NTNG1: variants seen among roughly 807,000 people sequenced by gnomAD.
NTNG1 encodes netrin-G1.
NTNG1 carries 16 observed loss-of-function variants against 54.0 expected under a neutral mutation model. The ratio of observed to expected loss-of-function variants is 0.30; its 90% confidence interval spans 0.20 to 0.45. The LOEUF (loss-of-function observed/expected upper bound fraction) is 0.45, where lower values mean the gene tolerates loss of function less well. Ranked by LOEUF, NTNG1 falls within the 20% of genes least tolerant of loss-of-function variation. NTNG1 has a pLI of 1.00. For synonymous variants in NTNG1, 255 were observed against 263.1 expected (o/e 0.97, Z 0.30); for missense variants, 530 against 678.7 (o/e 0.78, Z 2.43).
intron 7 of NTNG1, among the ~76,000 whole-genome samples, chr1:107,462,340 T>TCTG (rs1260414666): frequency 6.6e-6 from 1 of 152,182 alleles, no homozygotes; most frequent in African/African-American, 2.4e-5. Flanking sequence ...GGTTACAGGC[T>TCTG]CTGCTACCCA....
intron 3 of NTNG1, among the ~76,000 whole-genome samples, chr1:107,361,378 T>C (rs868157759): frequency 1.7e-5 from 1 of 58,554 alleles, no homozygotes. Flanking sequence ...TATATACATA[T>C]ATATATATAT....
At chr1:107,384,486 A>T (rs1444135356) in intron 3 of NTNG1, among the ~76,000 whole-genome samples, 3 of 152,222 alleles carry the variant, frequency 2.0e-5, no homozygotes, top group Non-Finnish European at 2.9e-5. Flanking sequence ...CCATGAAGAA[A>T]TGATCAAAAT....
At chr1:107,277,589 CTG>C (rs753115068) in intron 2 of NTNG1, among the ~76,000 whole-genome samples, 2 of 152,138 alleles carry the variant, frequency 1.3e-5, no homozygotes, top group Non-Finnish European at 2.9e-5. Flanking sequence ...CTACAGGAAA[CTG>C]TGGGCACAAA....
chr1:107,161,753 A>T (rs200768966), intron 2 of NTNG1, among the ~76,000 whole-genome samples: 22 of 146,658 alleles, frequency 1.5e-4, no homozygotes, highest in African/African-American at 2.7e-4. Context: ...TGTTAGAATT[A>T]AAAAAAAAAA....
At chr1:107,353,119 A>T (rs1178917097) in intron 3 of NTNG1, among the ~76,000 whole-genome samples, 1 of 152,204 alleles carries the variant, frequency 6.6e-6, no homozygotes, top group Non-Finnish European at 1.5e-5. Flanking sequence ...CATTTTTCTT[A>T]TGCAAATTTC....
chr1:107,280,446 TTC>T (rs1161480341), intron 2 of NTNG1, among the ~76,000 whole-genome samples: 3 of 152,092 alleles, frequency 2.0e-5, no homozygotes, highest in East Asian at 3.9e-4. Flanking sequence ...TTTAATACCA[TTC>T]TCTGTTTCCA....
intron 5 of NTNG1, among the ~76,000 whole-genome samples, chr1:107,430,459 T>G (rs1675189573): frequency 6.6e-6 from 1 of 152,132 alleles, no homozygotes; most frequent in Non-Finnish European, 1.5e-5. Context: ...AAACTGAGGC[T>G]TCCCAAATTT....
chr1:107,440,041 A>G (rs950700775), intron 7 of NTNG1, among the ~76,000 whole-genome samples: 11 of 151,838 alleles, frequency 7.2e-5, no homozygotes, highest in Admixed American at 2.6e-4. Context: ...AAGAGCTATT[A>G]ACCTGGCAAC....
In NTNG1 at chr1:107,155,312, A is replaced by G. The variant is rs982262374; in HGVS notation, c.246+6473A>G. ...AGAAGACATTTCTTCTGTTTGGCAT[A>G]GTCCGTGCTCTTCTCCACTTACTCT... On this transcript the variant is annotated intron_variant, in intron 2 of 7. Coordinates refer to ENST00000370068, the MANE Select transcript of NTNG1 (RefSeq NM_001113226.3). Among the ~76,000 whole-genome samples the G allele has an allele frequency of 3.3e-5, 5 of 151,962 alleles. No individual in the cohort carries two copies. The South Asian group carries it at 1.0e-3, about 32-fold the overall frequency.
chr1:107,288,912 A>G (rs34032534), intron 2 of NTNG1, among the ~76,000 whole-genome samples: 2,768 of 152,270 alleles, frequency 0.018, 70 homozygotes, highest in African/African-American at 0.063. Context: ...TTTCATAGAT[A>G]AAGGTCAAGA....
chr1:107,411,692 A>T (rs554722706), intron 5 of NTNG1, among the ~76,000 whole-genome samples: 1 of 152,280 alleles, frequency 6.6e-6, no homozygotes, highest in South Asian at 2.1e-4. Flanking sequence ...GGAAAAAATT[A>T]TCAGGCTAGT....
intron 7 of NTNG1, among the ~76,000 whole-genome samples, chr1:107,457,412 G>A (rs1242308118): frequency 6.6e-6 from 1 of 152,164 alleles, no homozygotes; most frequent in Non-Finnish European, 1.5e-5. Flanking sequence ...TGTGCTCAGT[G>A]CTATAGATAT....
intron 7 of NTNG1, among the ~76,000 whole-genome samples, chr1:107,458,971 T>G (rs542580392): frequency 3.9e-5 from 6 of 152,218 alleles, no homozygotes; most frequent in Non-Finnish European, 7.4e-5. Context: ...CAAAACAGTT[T>G]AGAAAGTTGA....
At chr1:107,451,237 C>T (rs2101484223) in intron 7 of NTNG1, among the ~76,000 whole-genome samples, 1 of 151,660 alleles carries the variant, frequency 6.6e-6, no homozygotes, top group Non-Finnish European at 1.5e-5. Flanking sequence ...GAAAGACTAA[C>T]ATTGAGACTC....
intron 2 of NTNG1, among the ~76,000 whole-genome samples, chr1:107,247,361 A>G (rs1662274163): frequency 6.6e-6 from 1 of 152,212 alleles, no homozygotes; most frequent in Non-Finnish European, 1.5e-5. Flanking sequence ...AAGATCATGT[A>G]ATGGCTAGCA....
chr1:107,384,398 G>A (rs1471367553), intron 3 of NTNG1, among the ~76,000 whole-genome samples: 1 of 152,056 alleles, frequency 6.6e-6, no homozygotes, highest in African/African-American at 2.4e-5. Flanking sequence ...AAGACTTTCT[G>A]GTCCTTGTTC....
intron 2 of NTNG1, among the ~76,000 whole-genome samples, chr1:107,231,979 A>G (rs1365902806): frequency 6.6e-6 from 1 of 152,184 alleles, no homozygotes; most frequent in South Asian, 2.1e-4. Context: ...TGGTCTTCCT[A>G]TACACAGAAA....
chr1:107,363,051 A>C (rs1019912466), intron 3 of NTNG1, among the ~76,000 whole-genome samples: 2 of 152,180 alleles, frequency 1.3e-5, no homozygotes, highest in Admixed American at 6.5e-5. Context: ...TATCTTGTCT[A>C]ATGGATGGTC....
chr1:107,435,323 T>C (rs1403709735), intron 6 of NTNG1, among the ~76,000 whole-genome samples: 1 of 152,156 alleles, frequency 6.6e-6, no homozygotes, highest in African/African-American at 2.4e-5. Flanking sequence ...TAGAAAATGT[T>C]AATTTAAAAT....
Sources: allele counts gnomAD v4.1 joint callset (sites outside exome capture counted in the v4.1 genomes callset), GRCh38; gene constraint gnomAD v4.1.1; transcripts MANE v1.5; gene names NCBI Gene and HGNC (gene_info 2026-07-23, HGNC 2026-07-21).